The following TRIM67 variants were observed in gnomAD, a reference collection of about 807,000 sequenced individuals.
TRIM67 encodes tripartite motif-containing protein 67.
In TRIM67, 39 loss-of-function variants were observed where a neutral mutation model predicts 71.0. The ratio of observed to expected loss-of-function variants is 0.55; its 90% CI spans 0.43 to 0.72. The LOEUF is 0.72. Ranked by LOEUF, TRIM67 falls within the 30% of genes least tolerant of loss-of-function variation. The pLI is 0.00. For missense variants in TRIM67, 973 were observed against 1,079.2 expected (o/e 0.90, Z 1.38); for synonymous variants, 481 against 473.9 (o/e 1.01, Z -0.19).
Position 231,207,356 on chromosome 1 carries a change from C to T in TRIM67, c.1819+566C>T, listed in dbSNP as rs1683734962. Among the ~76,000 whole-genome samples, 3 of 152,200 alleles carry T rather than the reference C, an allele frequency of 2.0e-5. No homozygotes were observed. The South Asian group carries it at 6.2e-4, about 32-fold the overall frequency. On this transcript the variant is annotated intron_variant, in intron 7 of 9. Transcript: ENST00000366653. The stretch of plus-strand genomic sequence containing the variant: ...TAATCCCCAGCATCAGAGCTCACAT[C>T]CAGTGATTTATACACCTACCTGCAG...
At chr1:231,213,445 G>C (rs1466353914) in intron 8 of TRIM67, among the ~76,000 whole-genome samples, 5 of 152,148 alleles carry the variant, frequency 3.3e-5, no homozygotes, top group African/African-American at 1.2e-4. Context: ...TAATTTTCTT[G>C]GCCGGGTACA....
At position 231,213,060 on chromosome 1, in the gene TRIM67, C is replaced by A. The variant is rs575996665; in HGVS notation, c.2124-755C>A. ...AAGATGAGCCAATGTTGAGTAGGGG[C>A]CTTTCAAAATTTCCTGAAGGCCTGG... is the stretch of plus-strand genomic sequence containing the variant. On this transcript the variant is annotated intron_variant, in intron 8 of 9. Transcript: ENST00000366653. Among the ~76,000 whole-genome samples the A allele has an allele frequency of 4.6e-5, 7 of 152,232 alleles. No individual in the cohort carries two copies. In the South Asian group the frequency reaches 8.3e-4, roughly 18 times the overall value.
chr1:231,170,456 T>C (rs183646886), intron 1 of TRIM67, among the ~76,000 whole-genome samples: 36 of 151,508 alleles, frequency 2.4e-4, no homozygotes, highest in Non-Finnish European at 4.3e-4. Context: ...TCAAAGGCTG[T>C]GAATGAACAA....
chr1:231,168,537 T>G (rs1284522693), intron 1 of TRIM67, among the ~76,000 whole-genome samples: 1 of 152,244 alleles, frequency 6.6e-6, no homozygotes. Context: ...ACTTTCTTTT[T>G]TAATAACAAA....
chr1:231,206,378 T>C (rs1571900084), intron 6 of TRIM67, among the ~76,000 whole-genome samples: 1 of 150,578 alleles, frequency 6.6e-6, no homozygotes, highest in Admixed American at 6.6e-5. Context: ...GAGGCGGAGG[T>C]TTTGGTAAGC....
Position 231,163,783 on chromosome 1 carries a change from C to G in TRIM67, c.814C>G (p.Gln272Glu). 6.7e-7 allele frequency: 1 copy of G among 1,489,782 alleles called. No homozygotes were observed. Among genetic ancestry groups the G allele is most frequent in the Non-Finnish European group, 8.9e-7 (1 of 1,117,334 alleles). The allele number at this position is 1,489,782 out of a possible 1,614,324, so 92.3% of individuals were successfully genotyped here. Residue 272 changes from glutamine to glutamate, a missense_variant, in exon 1 of 10, where the codon CAG (glutamine) becomes GAG (glutamate). Physicochemically the swap from Gln to Glu is conservative, Grantham distance 29. Around this residue, in one of 2 missense-constraint regions of TRIM67, gnomAD observed 795 missense variants for 831.3 expected, o/e 0.96. Transcript: ENST00000366653. ...EAASGPTGTA[Q>E]GAPSGGGGCK... ...AGCCTCCGGGCCCACTGGCACCGCC[C>G]AGGGCGCCCCCAGCGGAGGCGGCGG...
rs188341044 is a variant in TRIM67 at position 231,201,533 on chromosome 1, C to A, written c.1534+16C>A. 2,996 of 1,611,024 alleles carry A rather than the reference C, an allele frequency of 1.9e-3. 11 individuals are homozygous for A. The highest frequency in any genetic ancestry group is 2.3e-3 in the Non-Finnish European group (2,762 of 1,178,574). The stretch of plus-strand genomic sequence containing the variant: ...AAATGTAGGGGTGAGCCGCGGTTGG[C>A]CCCAGTTCAGTCAGTGCTTCTTTCA... On this transcript the variant is annotated intron_variant, in intron 5 of 9. Coordinates refer to ENST00000366653, the MANE Select transcript of TRIM67 (RefSeq NM_001004342.5).
At chr1:231,183,520 G>A (rs569068112) in intron 1 of TRIM67, among the ~76,000 whole-genome samples, 1 of 152,228 alleles carries the variant, frequency 6.6e-6, no homozygotes, top group East Asian at 1.9e-4. Context: ...GGCTGAGGCA[G>A]GGAGGATCAC....
rs1683330833 is a variant in TRIM67 at position 231,194,985 on chromosome 1, C to G, written c.1045-2386C>G. 2.6e-5 allele frequency among the ~76,000 whole-genome samples: 4 copies of G among 152,166 alleles called. No individual in the cohort carries two copies. In the South Asian group the frequency reaches 8.3e-4, roughly 32 times the overall value. On this transcript the variant is annotated intron_variant, in intron 1 of 9. Transcript: ENST00000366653. ...CCTCAAGCAATTCTCCTGCCTCTGC[C>G]TCTGAGTAGCTGGAATTACAGGAAT...
chr1:231,171,895 G>A (rs1682627664), intron 1 of TRIM67, among the ~76,000 whole-genome samples: 1 of 152,122 alleles, frequency 6.6e-6, no homozygotes, highest in Non-Finnish European at 1.5e-5. Context: ...AAGAGTTTGA[G>A]ACTAGGCTAG....
Position 231,201,370 on chromosome 1 carries a change from C to G in TRIM67, c.1387C>G (p.Leu463Val). The G allele has an allele frequency of 6.2e-7, 1 of 1,613,020 alleles. No individual in the cohort carries two copies. The highest frequency in any genetic ancestry group is 8.5e-7 in the Non-Finnish European group (1 of 1,179,532). ...PSGFLQISDA[L>V]IKRVQVSQEQ... ...GCTCCCCTTTAAGATCTCAGATGCT[C>G]TGATCAAGCGCGTCCAGGTGTCTCA... The change falls in exon 5 of 10, where the codon CTG becomes GTG. Residue 463 changes from leucine (L) to valine (V), a missense_variant. This residue lies in a region of TRIM67 where 795 missense variants were observed against 831.3 expected (regional missense o/e 0.96). Coordinates refer to ENST00000366653, the MANE Select transcript of TRIM67 (RefSeq NM_001004342.5).
intron 2 of TRIM67, 43 bp from the exon 3 acceptor site, chr1:231,199,004 A>G: frequency 3.7e-6 from 6 of 1,613,236 alleles, no homozygotes; most frequent in African/African-American, 1.3e-5. Flanking sequence ...TCTTCCCCCT[A>G]AAACTCTTTG....
Position 231,217,835 on chromosome 1 carries a change from GA to G in TRIM67, c.*2398del, listed in dbSNP as rs1197749783. 2 of 1,289,692 alleles carry G rather than the reference GA, an allele frequency of 1.6e-6. No individual in the cohort carries two copies. The highest frequency in any genetic ancestry group is 1.1e-4 in the East Asian group (2 of 18,028). The allele number at this position is 1,289,692 out of a possible 1,614,324, so 79.9% of individuals were successfully genotyped here. On this transcript the variant is annotated 3_prime_UTR_variant, in exon 10 of 10. Transcript: ENST00000366653. ...CAGCATCCAGGTCAGGAGAGAAGTG[GA>G]AAGTGCAGGAGGGTAATGCCCTCAA...
At position 231,217,872 on chromosome 1, in the gene TRIM67, C is replaced by T. The variant is rs958052236; in HGVS notation, c.*2432C>T. 7.8e-7 allele frequency: 1 copy of T among 1,289,600 alleles called. No homozygotes were observed. Among genetic ancestry groups the T allele is most frequent in the Non-Finnish European group, 1.0e-6 (1 of 988,746 alleles). 79.9% of individuals were successfully genotyped at this position (1,289,600 alleles called of 1,614,324 possible). A position where few individuals can be genotyped will look rare whatever the true frequency, so the allele number is the denominator to read the frequency against. On this transcript the variant is annotated 3_prime_UTR_variant, in exon 10 of 10. Transcript: ENST00000366653. ...GGGTAATGCCCTCAAATCCGGTGGCCTCTTTCAGAAAAAAGTTCCCTGAAG... is the reference window on the plus strand; with the variant it reads ...GGGTAATGCCCTCAAATCCGGTGGCTTCTTTCAGAAAAAAGTTCCCTGAAG...
chr1:231,218,304 T>C lies in TRIM67; in HGVS notation c.*2864T>C. On this transcript the variant is annotated 3_prime_UTR_variant, in exon 10 of 10. Coordinates refer to ENST00000366653, the MANE Select transcript of TRIM67 (RefSeq NM_001004342.5). ...ATAAATGATATCAAGATGAGGCTTTTGTTGGGCTGGCTGAGGAGTAACTTG... is the reference window on the plus strand; with the variant it reads ...ATAAATGATATCAAGATGAGGCTTTCGTTGGGCTGGCTGAGGAGTAACTTG... 1.0e-6 allele frequency: 1 copy of C among 986,442 alleles called. No individual in the cohort carries two copies. The highest frequency in any genetic ancestry group is 1.2e-6 in the Non-Finnish European group (1 of 830,590). The allele number at this position is 986,442 out of a possible 1,614,324, so 61.1% of individuals were successfully genotyped here.
At chr1:231,172,496 G>A (rs187374877) in intron 1 of TRIM67, among the ~76,000 whole-genome samples, 4 of 152,292 alleles carry the variant, frequency 2.6e-5, no homozygotes, top group African/African-American at 9.6e-5. Flanking sequence ...GATGTGGTGT[G>A]GAGGAGAGAG....
chr1:231,180,517 T>C (rs191364446), intron 1 of TRIM67, among the ~76,000 whole-genome samples: 4 of 152,304 alleles, frequency 2.6e-5, no homozygotes, highest in Admixed American at 1.3e-4. Context: ...CCCCTTCAGA[T>C]ACTGTTCTAC....
At chr1:231,207,025 T>C (rs1163095882) in intron 7 of TRIM67, among the ~76,000 whole-genome samples, 1 of 152,078 alleles carries the variant, frequency 6.6e-6, no homozygotes, top group Non-Finnish European at 1.5e-5. Context: ...AAGGATGAGC[T>C]GCTGAAGATG....
intron 8 of TRIM67, among the ~76,000 whole-genome samples, chr1:231,210,520 C>T (rs1438029910): frequency 6.6e-6 from 1 of 151,238 alleles, no homozygotes; most frequent in East Asian, 2.0e-4. Flanking sequence ...GCAGGCTGGC[C>T]ACTCTCCCTC....
Sources: allele counts gnomAD v4.1 joint callset (sites outside exome capture counted in the v4.1 genomes callset), GRCh38; gene constraint gnomAD v4.1.1; regional missense constraint gnomAD v4.1.1; transcripts MANE v1.5; gene names NCBI Gene and HGNC (gene_info 2026-07-23, HGNC 2026-07-21).